HPSE2: variants seen among roughly 807,000 people sequenced by gnomAD.
The protein encoded by HPSE2 is heparanase 2 (inactive), also known as inactive heparanase-2.
In HPSE2, 38 loss-of-function variants were observed where a neutral mutation model predicts 60.5. That is an observed-to-expected ratio of 0.63 (90% CI 0.48 to 0.82). HPSE2 has a LOEUF of 0.82. Ranked by LOEUF, HPSE2 falls within the 40% of genes least tolerant of loss-of-function variation. HPSE2 has a pLI of 0.00. For synonymous variants in HPSE2, 295 were observed against 293.2 expected (o/e 1.01, Z -0.06); for missense variants, 713 against 740.4 (o/e 0.96, Z 0.43).
chr10:98,820,237 C>T (rs1951394150), intron 3 of HPSE2, among the ~76,000 whole-genome samples: 2 of 152,028 alleles, frequency 1.3e-5, no homozygotes, highest in Admixed American at 1.3e-4. Flanking sequence ...TGTTGATGAC[C>T]TCCTTCTTTG....
intron 3 of HPSE2, among the ~76,000 whole-genome samples, chr10:98,985,917 G>C (rs1956332754): frequency 6.6e-6 from 1 of 152,012 alleles, no homozygotes; most frequent in African/African-American, 2.4e-5. Flanking sequence ...AATGGTAAAG[G>C]GATCAATTCA....
chr10:98,610,387 G>C (rs12267304), intron 9 of HPSE2, among the ~76,000 whole-genome samples: 2,982 of 152,242 alleles, frequency 0.02, 106 homozygotes, highest in African/African-American at 0.068. Context: ...GTTTCCTTCT[G>C]ATGGTCAAAT....
At chr10:98,675,577 C>G (rs1191701744) in intron 6 of HPSE2, among the ~76,000 whole-genome samples, 1 of 150,486 alleles carries the variant, frequency 6.6e-6, no homozygotes, top group Non-Finnish European at 1.5e-5. Flanking sequence ...CACACACACA[C>G]AATAACCAGC....
chr10:98,543,760 A>G (rs1289593853), intron 9 of HPSE2, among the ~76,000 whole-genome samples: 1 of 152,176 alleles, frequency 6.6e-6, no homozygotes, highest in African/African-American at 2.4e-5. Flanking sequence ...AAAGGGATCA[A>G]TTCAACAAGA....
At chr10:98,630,015 G>C (rs1946318214) in intron 7 of HPSE2, among the ~76,000 whole-genome samples, 1 of 151,890 alleles carries the variant, frequency 6.6e-6, no homozygotes, top group South Asian at 2.1e-4. Context: ...ATAAAGTTGA[G>C]AACCACCGAA....
chr10:98,473,076 G>A (rs1188581038), intron 11 of HPSE2, among the ~76,000 whole-genome samples: 1 of 152,110 alleles, frequency 6.6e-6, no homozygotes, highest in Non-Finnish European at 1.5e-5. Flanking sequence ...TATGGAGTTG[G>A]CAAAGATGTA....
At chr10:98,762,949 G>C (rs1950038889) in intron 3 of HPSE2, among the ~76,000 whole-genome samples, 1 of 152,088 alleles carries the variant, frequency 6.6e-6, no homozygotes, top group African/African-American at 2.4e-5. Flanking sequence ...CATCACCCAT[G>C]ATGTAGTGAT....
At chr10:99,183,526 G>A (rs1008362190) in intron 2 of HPSE2, among the ~76,000 whole-genome samples, 2 of 152,138 alleles carry the variant, frequency 1.3e-5, no homozygotes, top group African/African-American at 2.4e-5. Context: ...CACACTACAT[G>A]CCTCCTTGGC....
chr10:99,196,340 A>C (rs2133872863), intron 2 of HPSE2, among the ~76,000 whole-genome samples: 1 of 152,278 alleles, frequency 6.6e-6, no homozygotes, highest in African/African-American at 2.4e-5. Flanking sequence ...AGGTAACCAA[A>C]GTGAAAATGA....
At chr10:98,903,579 C>T (rs1373118547) in intron 3 of HPSE2, among the ~76,000 whole-genome samples, 2 of 152,108 alleles carry the variant, frequency 1.3e-5, no homozygotes, top group Non-Finnish European at 2.9e-5. Flanking sequence ...CAGTGGCACT[C>T]GCAATTTTCT....
At chr10:99,063,556 GT>G in intron 3 of HPSE2, among the ~76,000 whole-genome samples, 1 of 152,256 alleles carries the variant, frequency 6.6e-6, no homozygotes, top group African/African-American at 2.4e-5. Context: ...CAATTTCCCT[GT>G]ACTGTTTAAA....
intron 4 of HPSE2, among the ~76,000 whole-genome samples, chr10:98,743,340 G>A (rs1021247452): frequency 2.6e-5 from 4 of 152,026 alleles, no homozygotes; most frequent in African/African-American, 9.7e-5. Flanking sequence ...AACTAGCCTC[G>A]GTTAAATTGT....
intron 9 of HPSE2, among the ~76,000 whole-genome samples, chr10:98,566,108 C>G (rs1158177809): frequency 6.6e-6 from 1 of 152,312 alleles, no homozygotes; most frequent in East Asian, 1.9e-4. Flanking sequence ...TACTTCAGAA[C>G]ACTTCAAATG....
intron 9 of HPSE2, among the ~76,000 whole-genome samples, chr10:98,598,949 T>C (rs542735945): frequency 6.6e-6 from 1 of 151,786 alleles, no homozygotes; most frequent in Non-Finnish European, 1.5e-5. Flanking sequence ...GGTGCTGGCT[T>C]GGAAACTAGG....
intron 7 of HPSE2, among the ~76,000 whole-genome samples, chr10:98,635,737 G>C (rs1946480164): frequency 6.8e-6 from 1 of 147,140 alleles, no homozygotes; most frequent in African/African-American, 2.5e-5. Flanking sequence ...AGCTATAATT[G>C]CATTACTGCA....
At chr10:98,716,842 G>C (rs1035877115) in intron 5 of HPSE2, among the ~76,000 whole-genome samples, 2 of 151,966 alleles carry the variant, frequency 1.3e-5, no homozygotes, top group Admixed American at 6.6e-5. Flanking sequence ...CTCAGTAGTG[G>C]GTGTAAACTA....
intron 3 of HPSE2, among the ~76,000 whole-genome samples, chr10:98,853,685 A>T (rs1392753954): frequency 1.3e-5 from 2 of 152,186 alleles, no homozygotes; most frequent in African/African-American, 4.8e-5. Context: ...TGAAACATAC[A>T]TATATGAATC....
chr10:98,912,394 A>G (rs12243465), intron 3 of HPSE2, among the ~76,000 whole-genome samples: 22,543 of 152,150 alleles, frequency 0.15, 2,456 homozygotes, highest in African/African-American at 0.3. Flanking sequence ...AGGTTCCTCA[A>G]GAAAGTAAAA....
chr10:98,665,437 C>T (rs1947336550), intron 6 of HPSE2, among the ~76,000 whole-genome samples: 1 of 152,126 alleles, frequency 6.6e-6, no homozygotes, highest in Non-Finnish European at 1.5e-5. Context: ...ATACAGGGAG[C>T]CCCTGTGAGA....
Sources: gnomAD v4.1 joint callset for allele counts (sites outside exome capture counted in the v4.1 genomes callset) on GRCh38, gnomAD v4.1.1 for gene constraint, MANE v1.5 for transcripts, NCBI Gene and HGNC (gene_info 2026-07-23, HGNC 2026-07-21) for gene names.